BMP7: variants seen among roughly 807,000 people sequenced by gnomAD.
The protein encoded by BMP7 is bone morphogenetic protein 7, also known as osteogenic protein 1.
BMP7 carries 12 observed loss-of-function variants against 41.2 expected under a neutral mutation model. The ratio of observed to expected loss-of-function variants is 0.29; its 90% CI spans 0.19 to 0.47. The LOEUF (loss-of-function observed/expected upper bound fraction) is 0.47, where lower values mean the gene tolerates loss of function less well. BMP7 is among the 20% of genes least tolerant of loss of function. The probability of loss-of-function intolerance (pLI) is 0.99; values close to 1 mark genes in which losing one functional copy is unlikely to be tolerated. For synonymous variants in BMP7, 248 were observed against 250.0 expected, an observed-to-expected ratio of 0.99 and a Z score of 0.07; for missense variants, 467 against 606.0, an observed-to-expected ratio of 0.77 and a Z score of 2.41.
intron 2 of BMP7, among the ~76,000 whole-genome samples, chr20:57,216,935 G>T (rs1985046674): frequency 6.6e-6 from 1 of 152,162 alleles, no homozygotes; most frequent in African/African-American, 2.4e-5. Context: ...GCAGAGAAAA[G>T]ACTCAAACAC....
chr20:57,228,597 G>A lies in BMP7; in HGVS notation c.419-176C>T, dbSNP rs1181635439. ...CACACTGTAGACTGGAGGGTCACAGGCTCAGACCCCATGGTCCCCATGGTC... is the reference window on the plus strand; with the variant it reads ...CACACTGTAGACTGGAGGGTCACAGACTCAGACCCCATGGTCCCCATGGTC... On this transcript the variant is annotated intron_variant, in intron 1 of 6. Coordinates refer to ENST00000395863, the MANE Select transcript of BMP7 (RefSeq NM_001719.3). The surrounding 1 kb of genome is among the most constrained non-coding windows in gnomAD (Gnocchi z 4.5). Among the ~76,000 whole-genome samples, 1 of 152,152 alleles carries A rather than the reference G, an allele frequency of 6.6e-6. No homozygotes were observed. The highest frequency in any genetic ancestry group is 2.4e-5 in the African/African-American group (1 of 41,434).
chr20:57,229,381 G>A (rs1252856343), intron 1 of BMP7, among the ~76,000 whole-genome samples: 4 of 152,184 alleles, frequency 2.6e-5, no homozygotes, highest in Non-Finnish European at 5.9e-5. Flanking sequence ...ACAAAATAAG[G>A]CAAAAGGCCT....
intron 3 of BMP7, among the ~76,000 whole-genome samples, chr20:57,185,150 C>T (rs1984181024): frequency 6.6e-6 from 1 of 152,206 alleles, no homozygotes; most frequent in African/African-American, 2.4e-5. Flanking sequence ...TGACGTGAGA[C>T]TGGACCCAGG....
At chr20:57,238,692 G>C (rs550864840) in intron 1 of BMP7, among the ~76,000 whole-genome samples, 1 of 151,666 alleles carries the variant, frequency 6.6e-6, no homozygotes, top group Non-Finnish European at 1.5e-5. Context: ...AGACATACCC[G>C]AGACCAGGAA....
At chr20:57,179,332 T>C (rs1231855082) in intron 4 of BMP7, among the ~76,000 whole-genome samples, 1 of 152,198 alleles carries the variant, frequency 6.6e-6, no homozygotes, top group Non-Finnish European at 1.5e-5. Flanking sequence ...CCGGGATTCA[T>C]CCACCTCCTC....
chr20:57,199,700 C>T (rs924887016), intron 3 of BMP7, among the ~76,000 whole-genome samples: 14 of 152,214 alleles, frequency 9.2e-5, no homozygotes, highest in African/African-American at 3.4e-4. Flanking sequence ...CTCACTTGCT[C>T]TTTAGCTCAC....
chr20:57,248,950 C>G (rs1166522503), intron 1 of BMP7, among the ~76,000 whole-genome samples: 1 of 152,012 alleles, frequency 6.6e-6, no homozygotes, highest in Non-Finnish European at 1.5e-5. Context: ...AGGTGCCCAC[C>G]ACCACGCCCA....
chr20:57,203,762 T>C (rs1230971795), intron 2 of BMP7, among the ~76,000 whole-genome samples: 1 of 152,210 alleles, frequency 6.6e-6, no homozygotes, highest in Non-Finnish European at 1.5e-5. Context: ...CAAGGCATAA[T>C]GATGAACAAC....
chr20:57,187,128 C>G (rs1984230667), intron 3 of BMP7: 2 of 152,250 alleles, frequency 1.3e-5, no homozygotes, highest in Non-Finnish European at 2.9e-5. Context: ...GCTGTCAGGA[C>G]AGCCACATCC....
intron 4 of BMP7, among the ~76,000 whole-genome samples, chr20:57,180,459 G>T (rs570776210): frequency 2.6e-5 from 4 of 152,070 alleles, no homozygotes; most frequent in African/African-American, 9.7e-5. Context: ...CAGCTCGCTC[G>T]CCACGAAATG....
chr20:57,194,169 T>C (rs1042517817), intron 3 of BMP7, among the ~76,000 whole-genome samples: 3 of 152,164 alleles, frequency 2.0e-5, no homozygotes, highest in African/African-American at 7.2e-5. Flanking sequence ...TTTCCTTCCA[T>C]GCTTGTGGAC....
Position 57,174,835 on chromosome 20 carries a change from G to T in BMP7, c.1035+96C>A. 1 of 1,357,040 alleles carries T rather than the reference G, an allele frequency of 7.4e-7. No individual in the cohort carries two copies. The highest frequency in any genetic ancestry group is 1.0e-6 in the Non-Finnish European group (1 of 980,756). 84.1% of individuals were successfully genotyped at this position (1,357,040 alleles called of 1,614,324 possible). Reference sequence around the variant, plus strand: ...CCACTTGATACTGGAGTCTTAACTGGCAGAGATGAGAAACAAGACTGAGCA... The same window carrying T: ...CCACTTGATACTGGAGTCTTAACTGTCAGAGATGAGAAACAAGACTGAGCA... On this transcript the variant is annotated intron_variant, in intron 5 of 6. Coordinates refer to ENST00000395863, the MANE Select transcript of BMP7 (RefSeq NM_001719.3). This position sits in a 1 kb window ranked among gnomAD's most constrained non-coding sequence, Gnocchi z 4.3.
At position 57,169,343 on chromosome 20, in the gene BMP7, T is replaced by A. The variant is rs528313158; in HGVS notation, c.*1616A>T. 1.2e-4 allele frequency: 19 copies of A among 152,348 alleles called. No homozygotes were observed. The highest frequency in any genetic ancestry group is 4.6e-4 in the African/African-American group (19 of 41,582). The allele number at this position is 152,348 out of a possible 1,614,324, so 9.4% of individuals were successfully genotyped here. A position where few individuals can be genotyped will look rare whatever the true frequency, so the allele number is the denominator to read the frequency against. On this transcript the variant is annotated 3_prime_UTR_variant, in exon 7 of 7. Coordinates refer to ENST00000395863, the MANE Select transcript of BMP7 (RefSeq NM_001719.3). ...AGATGCAGAAAACGTTTGCAGACAGTCTAGCCCTCCCCTAGGCCTTGTGTT... is the reference window on the plus strand; with the variant it reads ...AGATGCAGAAAACGTTTGCAGACAGACTAGCCCTCCCCTAGGCCTTGTGTT...
Position 57,173,281 on chromosome 20 carries a change from G to A in BMP7, c.1065C>T (p.Ala355=), listed in dbSNP as rs1337891323. 9 of 1,614,182 alleles carry A rather than the reference G, an allele frequency of 5.6e-6. No homozygotes were observed. Among genetic ancestry groups the A allele is most frequent in the Admixed American group, 1.7e-5 (1 of 60,022 alleles). Residue 355 remains alanine (A), a synonymous_variant, in exon 6 of 7, where the codon GCC becomes GCT. Coordinates refer to ENST00000395863, the MANE Select transcript of BMP7 (RefSeq NM_001719.3). Reference sequence around the variant, plus strand: ...CACACTCCCCCTCACAGTAGTAGGCGGCGTAGCCTTCAGGCGCGATGATCC... The same window carrying A: ...CACACTCCCCCTCACAGTAGTAGGCAGCGTAGCCTTCAGGCGCGATGATCC... The part of the protein sequence containing the change: ...QDWIIAPEGY[A]AYYCEGECAF...
At chr20:57,196,648 G>A (rs769013624) in intron 3 of BMP7, among the ~76,000 whole-genome samples, 3 of 152,158 alleles carry the variant, frequency 2.0e-5, no homozygotes, top group African/African-American at 7.2e-5. Context: ...CAGGGCCCAC[G>A]AAAACACTAT....
At chr20:57,233,026 T>C (rs1201650563) in intron 1 of BMP7, among the ~76,000 whole-genome samples, 1 of 152,200 alleles carries the variant, frequency 6.6e-6, no homozygotes, top group African/African-American at 2.4e-5. Context: ...ATCAAGATAA[T>C]TGAATTGTTA....
At chr20:57,256,120 G>A (rs2066133345) in intron 1 of BMP7, among the ~76,000 whole-genome samples, 1 of 152,210 alleles carries the variant, frequency 6.6e-6, no homozygotes. Context: ...TGAGATGGAA[G>A]CCTCCAGAAC....
chr20:57,183,171 G>T (rs1455341380), intron 4 of BMP7, among the ~76,000 whole-genome samples: 1 of 152,030 alleles, frequency 6.6e-6, no homozygotes, highest in African/African-American at 2.4e-5. Flanking sequence ...AGAGGCAGAA[G>T]TTGCAGTAAG....
Position 57,261,650 on chromosome 20 carries a change from G to A in BMP7, c.418+4055C>T, listed in dbSNP as rs1384791052. ...TGCAGAAAGAAAGAAGGGGGGAGCT[G>A]TGTGACATCTATATTAACCTTTGGC... On this transcript the variant is annotated intron_variant, in intron 1 of 6. Coordinates refer to ENST00000395863, the MANE Select transcript of BMP7 (RefSeq NM_001719.3). This position sits in a 1 kb window ranked among gnomAD's most constrained non-coding sequence, Gnocchi z 4.1. Among the ~76,000 whole-genome samples the A allele has an allele frequency of 1.3e-5, 2 of 152,188 alleles. No homozygotes were observed. Among genetic ancestry groups the A allele is most frequent in the African/African-American group, 2.4e-5 (1 of 41,456 alleles).
Sources: allele counts gnomAD v4.1 joint callset (sites outside exome capture counted in the v4.1 genomes callset), GRCh38; gene constraint gnomAD v4.1.1; non-coding constraint Gnocchi (gnomAD v3.1); transcripts MANE v1.5; gene names NCBI Gene and HGNC (gene_info 2026-07-23, HGNC 2026-07-21).